The following CTCFL variants were observed in gnomAD, a reference collection of about 807,000 sequenced individuals.
CTCFL encodes the protein transcriptional repressor CTCFL.
In CTCFL, 36 loss-of-function variants were observed where a neutral mutation model predicts 67.4. The observed-to-expected ratio is 0.53, with a 90% CI of 0.41 to 0.71. CTCFL has a LOEUF of 0.71. Ranked by LOEUF, CTCFL falls within the 30% of genes least tolerant of loss-of-function variation. CTCFL has a pLI of 0.00. For missense variants in CTCFL, 786 were observed against 835.2 expected, an observed-to-expected ratio of 0.94 and a Z score of 0.73; for synonymous variants, 324 against 302.3, an observed-to-expected ratio of 1.07 and a Z score of -0.75.
chr20:57,513,603 TG>T (rs1178548587), intron 7 of CTCFL: 1 of 1,136,830 alleles, frequency 8.8e-7, no homozygotes, highest in African/African-American at 1.6e-5. Flanking sequence ...GCTAGACTTG[TG>T]CCCCACCAAG....
At chr20:57,502,744 C>G (rs529523040) in intron 10 of CTCFL, among the ~76,000 whole-genome samples, 1 of 152,314 alleles carries the variant, frequency 6.6e-6, no homozygotes, top group East Asian at 1.9e-4. Context: ...GAACTCACTT[C>G]AGCTCCCAGA....
chr20:57,518,409 C>T, intron 5 of CTCFL: 1 of 798,128 alleles, frequency 1.3e-6, no homozygotes. Flanking sequence ...GAGATTGGAT[C>T]TGCATTCTAC....
chr20:57,499,085 G>GGGGT (rs1568846075), intron 10 of CTCFL, among the ~76,000 whole-genome samples: 97 of 20,868 alleles, frequency 4.6e-3, no homozygotes, highest in South Asian at 0.018. Context: ...GGGGGGGGGT[G>GGGGT]GGGGGGGGAC....
intron 10 of CTCFL, among the ~76,000 whole-genome samples, chr20:57,503,073 G>A (rs2068000861): frequency 6.6e-6 from 1 of 152,176 alleles, no homozygotes; most frequent in Non-Finnish European, 1.5e-5. Flanking sequence ...CCTGGATTGA[G>A]GATTTCTGGC....
At chr20:57,497,156 AT>A (rs1367738526), downstream of CTCFL, 3 of 730,490 alleles carry the variant, frequency 4.1e-6, no homozygotes, top group African/African-American at 5.8e-5. Context: ...ATGCTGACAT[AT>A]AACAAATATA....
chr20:57,501,870 A>C (rs1371060333), intron 10 of CTCFL, among the ~76,000 whole-genome samples: 2 of 152,154 alleles, frequency 1.3e-5, no homozygotes, highest in African/African-American at 4.8e-5. Flanking sequence ...TGAGGTTCAG[A>C]ATGAGGGCTC....
intron 9 of CTCFL, among the ~76,000 whole-genome samples, chr20:57,504,710 G>C (rs1330964793): frequency 1.3e-5 from 2 of 151,902 alleles, no homozygotes; most frequent in Non-Finnish European, 2.9e-5. Context: ...TGCTAAATTT[G>C]TTCTAATTTT....
At chr20:57,506,319 T>C (rs543258782) in intron 9 of CTCFL, among the ~76,000 whole-genome samples, 9 of 152,340 alleles carry the variant, frequency 5.9e-5, no homozygotes, top group African/African-American at 2.2e-4. Flanking sequence ...TTTTGTTTTT[T>C]TCCTGAGACA....
Position 57,500,083 on chromosome 20 carries a change from G to GTTT in CTCFL, c.1841-1383_1841-1382insAAA, listed in dbSNP as rs142568316. The GTTT allele has an allele frequency of 4.1e-5, 31 of 760,334 alleles. No individual in the cohort carries two copies. In the African/African-American group the frequency reaches 8.6e-4, roughly 21 times the overall value. 47.1% of individuals were successfully genotyped at this position (760,334 alleles called of 1,614,324 possible). A position where few individuals can be genotyped will look rare whatever the true frequency, so the allele number is the denominator to read the frequency against. On this transcript the variant is annotated intron_variant, in intron 10 of 10. Coordinates refer to ENST00000243914, the MANE Select transcript of CTCFL (RefSeq NM_001386993.1). ...ATATTTTTGTCCATGCTTCCTTGAAGTATTTTTTTTTTTTTTTTTTTGGTG... is the reference window on the plus strand; with the variant it reads ...ATATTTTTGTCCATGCTTCCTTGAAGTTTTATTTTTTTTTTTTTTTTTTTGGTG...
At chr20:57,517,709 G>T (rs1297205670) in intron 5 of CTCFL, among the ~76,000 whole-genome samples, 2 of 152,094 alleles carry the variant, frequency 1.3e-5, no homozygotes, top group Non-Finnish European at 1.5e-5. Context: ...CTGCAAAAAT[G>T]GGGGGCTATG....
chr20:57,500,031 C>T (rs2067835986), intron 10 of CTCFL: 2 of 986,726 alleles, frequency 2.0e-6, no homozygotes, highest in African/African-American at 3.5e-5. Flanking sequence ...AAGAACGTGA[C>T]TGTCTCATGT....
intron 1 of CTCFL, chr20:57,524,499 C>T: frequency 8.2e-7 from 1 of 1,212,702 alleles, no homozygotes; most frequent in Non-Finnish European, 1.0e-6. Context: ...CTGCGCCTGG[C>T]AAGGTTCCGC....
At chr20:57,518,096 T>G (rs928423085) in intron 5 of CTCFL, among the ~76,000 whole-genome samples, 1 of 152,218 alleles carries the variant, frequency 6.6e-6, no homozygotes, top group Non-Finnish European at 1.5e-5. Context: ...GGGTGTACTG[T>G]TGACCCAGTC....
intron 3 of CTCFL, among the ~76,000 whole-genome samples, chr20:57,522,347 T>C (rs2069441810): frequency 6.6e-6 from 1 of 152,210 alleles, no homozygotes; most frequent in Admixed American, 6.5e-5. Context: ...GGGTGAAATA[T>C]GTTGATTTAA....
rs1447910826 is a variant in CTCFL, at chr20:57,523,658, T to C, written c.543+5A>G. 11 of 1,609,862 alleles carry C rather than the reference T, an allele frequency of 6.8e-6. No individual in the cohort carries two copies. The highest frequency in any genetic ancestry group is 1.3e-5 in the African/African-American group (1 of 74,868). On this transcript the variant is annotated splice_donor_5th_base_variant and intron_variant, in intron 2 of 10. Coordinates refer to ENST00000243914, the MANE Select transcript of CTCFL (RefSeq NM_001386993.1). ...TAAGGGGTTGTTTATTAAAACCAGC[T>C]GTACCTTGATCAGTCCAGTAGTTTC...
intron 10 of CTCFL, 72 bp from the exon 11 acceptor site, chr20:57,498,773 A>G (rs952241085): frequency 3.6e-6 from 5 of 1,402,440 alleles, no homozygotes; most frequent in Non-Finnish European, 4.9e-6. Context: ...CTGTGCAAAT[A>G]TATTTTGGAA....
At chr20:57,504,890 T>C (rs982042506) in intron 9 of CTCFL, among the ~76,000 whole-genome samples, 2 of 151,976 alleles carry the variant, frequency 1.3e-5, no homozygotes, top group Non-Finnish European at 2.9e-5. Flanking sequence ...CCTGCCCTTT[T>C]AGGGCAAGGT....
chr20:57,523,704 T>C lies in CTCFL; in HGVS notation c.502A>G (p.Lys168Glu), dbSNP rs371411279. 1.2e-6 allele frequency: 2 copies of C among 1,613,378 alleles called. No homozygotes were observed. The highest frequency in any genetic ancestry group is 2.7e-5 in the African/African-American group (2 of 74,936). Reference protein sequence around the residue: ...ENVMVASEDSKLAVSLAETTG... With the variant: ...ENVMVASEDSELAVSLAETTG... ...GTTTCAGCCAGGCTCACCGCTAACT[T>C]ACTGTCTTCACTGGCCACCATCACA... The change falls in exon 2 of 11, where the codon AAG (lysine) becomes GAG (glutamate). Residue 168 changes from lysine to glutamate, a missense_variant. By Grantham distance (56) the Lys-to-Glu change is moderately conservative. Transcript: ENST00000243914.
chr20:57,512,730 A>G lies in CTCFL; in HGVS notation c.1353T>C (p.His451=), dbSNP rs770693123. Residue 451 remains histidine, a synonymous_variant, in exon 8 of 11, where the codon CAT becomes CAC. Transcript: ENST00000243914. ...SDLRVHMRNL[H]AYSAAELKCR... ...ATTTCAGCTCTGCAGCGCTGTAAGC[A>G]TGCAAGTTGCGCATATGCACACCTA... 7.4e-6 allele frequency: 12 copies of G among 1,614,138 alleles called. No homozygotes were observed. Among genetic ancestry groups the G allele is most frequent in the Admixed American group, 6.7e-5 (4 of 60,012 alleles).
Sources: gnomAD v4.1 joint callset for allele counts (sites outside exome capture counted in the v4.1 genomes callset) on GRCh38, gnomAD v4.1.1 for gene constraint, MANE v1.5 for transcripts, NCBI Gene and HGNC (gene_info 2026-07-23, HGNC 2026-07-21) for gene names.